Variants in TMED7 observed in about 807,000 individuals in gnomAD.
TMED7 encodes transmembrane p24 trafficking protein 7.
In TMED7, 8 loss-of-function variants were observed where a neutral mutation model predicts 23.4. The observed-to-expected ratio is 0.34, with a 90% CI of 0.20 to 0.62. TMED7 has a LOEUF of 0.62. Ranked by LOEUF, TMED7 falls within the 20% of genes least tolerant of loss-of-function variation. The pLI is 0.77. For synonymous variants in TMED7, 121 were observed against 108.5 expected, an observed-to-expected ratio of 1.12 and a Z score of -0.72; for missense variants, 232 against 279.1, an observed-to-expected ratio of 0.83 and a Z score of 1.20.
At chr5:115,624,983 C>A (rs1757152339) in intron 1 of TMED7, among the ~76,000 whole-genome samples, 1 of 152,200 alleles carries the variant, frequency 6.6e-6, no homozygotes, top group Non-Finnish European at 1.5e-5. Context: ...ATGCGCCTAC[C>A]AACCAAAATT....
At chr5:115,620,235 G>T in intron 2 of TMED7, 200 bp downstream of exon 2, 1 of 656,870 alleles carries the variant, frequency 1.5e-6, no homozygotes, top group Non-Finnish European at 2.1e-6. Context: ...ACAATTAAAA[G>T]TTCATAAAAT....
chr5:115,623,105 C>A (rs1390206498), intron 1 of TMED7, among the ~76,000 whole-genome samples: 2 of 152,058 alleles, frequency 1.3e-5, no homozygotes, highest in African/African-American at 4.8e-5. Flanking sequence ...CTGAAAAGAG[C>A]CCCAAAAGGA....
intron 2 of TMED7, among the ~76,000 whole-genome samples, chr5:115,617,695 T>A (rs1756833806): frequency 1.3e-5 from 2 of 152,238 alleles, no homozygotes; most frequent in Admixed American, 1.3e-4. Context: ...AAATGCAGAA[T>A]ATTTAGGAAC....
chr5:115,620,212 C>G (rs1756976545), intron 2 of TMED7: 1 of 506,204 alleles, frequency 2.0e-6, no homozygotes, highest in Non-Finnish European at 2.9e-6. Context: ...TATTTTAATG[C>G]TTCTTTCTCT....
rs1756738532 is a variant in TMED7 at position 115,616,266 on chromosome 5, A to G, written c.618T>C (p.Phe206=). The part of the protein sequence containing the change: ...ILLVVSIGQV[F]LLKSFFSDKR... ...TATCTGAGAAAAAGCTTTTCAAAAG[A>G]AATACCTGCCCTATGCTAACCACCA... is the stretch of plus-strand genomic sequence containing the variant. The change falls in exon 3 of 3, where the codon TTT becomes TTC. Residue 206 remains phenylalanine (F), a synonymous_variant. Transcript: ENST00000456936. The G allele has an allele frequency of 6.2e-7, 1 of 1,614,058 alleles. No homozygotes were observed. The highest frequency in any genetic ancestry group is 8.5e-7 in the Non-Finnish European group (1 of 1,180,018).
chr5:115,625,935 G>T lies in TMED7; in HGVS notation c.-143C>A. On this transcript the variant is annotated 5_prime_UTR_variant, in exon 1 of 3. Transcript: ENST00000456936. ...AGGTTCACGCCTGTGGGAGATTCGG[G>T]ATCAGAGCGACCCTCCGGCTTCCTG... is the stretch of plus-strand genomic sequence containing the variant. 1 of 1,169,884 alleles carries T rather than the reference G, an allele frequency of 8.5e-7. No homozygotes were observed. Among genetic ancestry groups the T allele is most frequent in the Non-Finnish European group, 1.1e-6 (1 of 920,074 alleles). 72.5% of individuals were successfully genotyped at this position (1,169,884 alleles called of 1,614,324 possible).
In TMED7 at chr5:115,620,590, T is replaced by C; in HGVS notation, c.283A>G (p.Ser95Gly). 1.9e-6 allele frequency: 3 copies of C among 1,604,766 alleles called. No individual in the cohort carries two copies. The highest frequency in any genetic ancestry group is 2.5e-6 in the Non-Finnish European group (3 of 1,176,536). Residue 95 changes from serine (S) to glycine (G), a missense_variant, in exon 2 of 3, where the codon AGT becomes GGT. Ser to Gly is a moderately conservative substitution (Grantham distance 56, BLOSUM62 0). Transcript: ENST00000456936. ...TTTTTGGAGGCTGTGAAGGTAAAAC[T>C]ATCATACTGTTTCTTCATCTCTTTG... ...LYKEMKKQYD[S>G]FTFTASKNGT...
Position 115,615,060 on chromosome 5 carries a change from AT to A in TMED7, c.*1148del, listed in dbSNP as rs1437533571. 2 of 152,146 alleles carry A rather than the reference AT, an allele frequency of 1.3e-5. No individual in the cohort carries two copies. Among genetic ancestry groups the A allele is most frequent in the African/African-American group, 4.8e-5 (2 of 41,456 alleles). 9.4% of individuals were successfully genotyped at this position (152,146 alleles called of 1,614,324 possible). A position where few individuals can be genotyped will look rare whatever the true frequency, so the allele number is the denominator to read the frequency against. On this transcript the variant is annotated 3_prime_UTR_variant, in exon 3 of 3. Transcript: ENST00000456936. ...TATACAAGTTATAAGATGCAACACAATGTAAACCCTATAGTCTACAGAATAT... is the reference window on the plus strand; with the variant it reads ...TATACAAGTTATAAGATGCAACACAAGTAAACCCTATAGTCTACAGAATAT...
chr5:115,620,692 TAAAAAAG>T lies in TMED7; in HGVS notation c.193-19_193-13del, dbSNP rs753535702. Reference sequence around the variant, plus strand: ...CCACCAGTAATCACCTGTAAGAGATTAAAAAAGAAAAATCACTGTGAAAAGTGTGAAA... The same window carrying T: ...CCACCAGTAATCACCTGTAAGAGATTAAAAATCACTGTGAAAAGTGTGAAA... On this transcript the variant is annotated splice_polypyrimidine_tract_variant and intron_variant, in intron 1 of 2. Coordinates refer to ENST00000456936, the MANE Select transcript of TMED7 (RefSeq NM_181836.6). The T allele has an allele frequency of 1.5e-6, 2 of 1,379,312 alleles. No individual in the cohort carries two copies. Among genetic ancestry groups the T allele is most frequent in the East Asian group, 5.5e-5 (2 of 36,498 alleles). The allele number at this position is 1,379,312 out of a possible 1,614,324, so 85.4% of individuals were successfully genotyped here.
intron 2 of TMED7, 41 bp from the exon 3 acceptor site, chr5:115,616,486 TG>T: frequency 6.2e-7 from 1 of 1,612,112 alleles, no homozygotes; most frequent in East Asian, 2.2e-5. Context: ...TGATACTTTC[TG>T]TAGACTTCAT....
chr5:115,615,989 TAACATGAATAGCCCAA>T lies in TMED7; in HGVS notation c.*204_*219del. ...GAGTAGATCATTGGTGTTGAATATT[TAACATGAATAGCCCAA>T]AATGAGTTCCAAAGTTTTTCCACCT... On this transcript the variant is annotated 3_prime_UTR_variant, in exon 3 of 3. Transcript: ENST00000456936. The T allele has an allele frequency of 1.7e-6, 1 of 572,766 alleles. No individual in the cohort carries two copies. The highest frequency in any genetic ancestry group is 3.1e-6 in the Non-Finnish European group (1 of 321,878). 35.5% of individuals were successfully genotyped at this position (572,766 alleles called of 1,614,324 possible). A position where few individuals can be genotyped will look rare whatever the true frequency, so the allele number is the denominator to read the frequency against.
intron 2 of TMED7, among the ~76,000 whole-genome samples, chr5:115,618,146 A>G (rs1218005271): frequency 6.6e-6 from 1 of 152,200 alleles, no homozygotes; most frequent in Non-Finnish European, 1.5e-5. Flanking sequence ...TATATTCAAA[A>G]GTATTGAGAA....
chr5:115,621,604 C>T (rs1405017928), intron 1 of TMED7, among the ~76,000 whole-genome samples: 1 of 152,102 alleles, frequency 6.6e-6, no homozygotes, highest in Non-Finnish European at 1.5e-5. Context: ...AGTTACAATT[C>T]CAGCCATTTG....
At chr5:115,617,600 A>ATTTC (rs59179866) in intron 2 of TMED7, among the ~76,000 whole-genome samples, 89,821 of 151,554 alleles carry the variant, frequency 0.59, 27,037 homozygotes, top group African/African-American at 0.72. Flanking sequence ...TGCTTCTAGG[A>ATTTC]TTTGCTTTCT....
chr5:115,620,734 G>A, intron 1 of TMED7, 54 bp from the exon 2 acceptor site: 2 of 1,331,822 alleles, frequency 1.5e-6, no homozygotes, highest in Non-Finnish European at 1.9e-6. Flanking sequence ...AAATTAATCA[G>A]ATTTAATCAG....
Position 115,614,225 on chromosome 5 carries a change from C to T in TMED7, c.*1984G>A, listed in dbSNP as rs1050051792. The T allele has an allele frequency of 6.6e-6, 1 of 152,046 alleles. No homozygotes were observed. Among genetic ancestry groups the T allele is most frequent in the Non-Finnish European group, 1.5e-5 (1 of 67,958 alleles). The allele number at this position is 152,046 out of a possible 1,614,324, so 9.4% of individuals were successfully genotyped here. A position where few individuals can be genotyped will look rare whatever the true frequency, so the allele number is the denominator to read the frequency against. ...ACTAAGCCAACACTATTTTCTATAA[C>T]AGGTAACAGTAGTGATTTCAAAAAT... On this transcript the variant is annotated 3_prime_UTR_variant, in exon 3 of 3. Coordinates refer to ENST00000456936, the MANE Select transcript of TMED7 (RefSeq NM_181836.6).
Position 115,616,226 on chromosome 5 carries a change from T to C in TMED7, c.658A>G (p.Thr220Ala). The change falls in exon 3 of 3, where the codon ACT becomes GCT. Residue 220 changes from threonine (T) to alanine (A), a missense_variant. Thr to Ala is a moderately conservative substitution (Grantham distance 58). Coordinates refer to ENST00000456936, the MANE Select transcript of TMED7 (RefSeq NM_181836.6). ...AAACGTAGTTATGATCCAACACGAG[T>C]TGTGGTGGTTCTTTTATCTGAGAAA... Reference protein sequence around the residue: ...SFFSDKRTTTTRVGS With the variant: ...SFFSDKRTTTARVGS The C allele has an allele frequency of 6.2e-7, 1 of 1,614,042 alleles. No homozygotes were observed. Among genetic ancestry groups the C allele is most frequent in the Non-Finnish European group, 8.5e-7 (1 of 1,179,942 alleles).
At chr5:115,616,734 A>G (rs1050938837) in intron 2 of TMED7, among the ~76,000 whole-genome samples, 1 of 152,224 alleles carries the variant, frequency 6.6e-6, no homozygotes, top group Non-Finnish European at 1.5e-5. Flanking sequence ...AGCTAACAAT[A>G]GCAGAAATAC....
chr5:115,622,883 C>G (rs1418853785), intron 1 of TMED7, among the ~76,000 whole-genome samples: 2 of 152,238 alleles, frequency 1.3e-5, no homozygotes, highest in African/African-American at 4.8e-5. Context: ...TGCTTTACAT[C>G]TGCACTGACA....
Sources: gnomAD v4.1 joint callset for allele counts (sites outside exome capture counted in the v4.1 genomes callset) on GRCh38, gnomAD v4.1.1 for gene constraint, MANE v1.5 for transcripts, NCBI Gene and HGNC (gene_info 2026-07-23, HGNC 2026-07-21) for gene names.